Variants in USP7 observed in about 807,000 individuals in gnomAD.
The protein encoded by USP7 is ubiquitin specific peptidase 7, also known as ubiquitin C-terminal hydrolase 7.
Under a neutral mutation model 162.9 loss-of-function variants are expected in USP7, and 9 were observed. That is an observed-to-expected ratio of 0.06 (90% CI 0.03 to 0.10). USP7 has a LOEUF of 0.10. Among genes scored for constraint, USP7 ranks in the 10% least tolerant of loss-of-function variants. USP7 has a pLI of 1.00. For synonymous variants in USP7, 562 were observed against 475.9 expected, an observed-to-expected ratio of 1.18 and a Z score of -2.35; for missense variants, 715 against 1,373.7, an observed-to-expected ratio of 0.52 and a Z score of 7.58.
intron 11 of USP7, 63 bp from the exon 12 acceptor site, chr16:8,908,513 G>T: frequency 7.1e-7 from 1 of 1,413,264 alleles, no homozygotes; most frequent in Non-Finnish European, 9.7e-7. Flanking sequence ...AGCAATGAAA[G>T]CAACAGCGGT....
chr16:8,898,601 T>C lies in USP7; in HGVS notation c.2570A>G (p.Tyr857Cys). Residue 857 changes from tyrosine to cysteine, a missense_variant, in exon 24 of 31, where the codon TAT becomes TGT. Physicochemically the swap from Tyr to Cys is radical, Grantham distance 194. Coordinates refer to ENST00000344836, the MANE Select transcript of USP7 (RefSeq NM_003470.3). ...DGPGNPLRHN[Y>C]EGTLRDLLQF... ...TAGAAGATCTCTTAAAGTACCTTCA[T>C]AATTATGTCTAAGAGGATTACCTGG... 6.2e-7 allele frequency: 1 copy of C among 1,610,002 alleles called. No individual in the cohort carries two copies. The highest frequency in any genetic ancestry group is 1.3e-5 in the African/African-American group (1 of 74,774).
At chr16:8,952,650 A>G (rs1899608090) in intron 1 of USP7, among the ~76,000 whole-genome samples, 5 of 152,176 alleles carry the variant, frequency 3.3e-5, no homozygotes, top group Admixed American at 3.3e-4. Context: ...CCTGAATTCA[A>G]TAAGGTCTGC....
At chr16:8,930,438 T>A in intron 1 of USP7, 41 bp from the exon 2 acceptor site, 4 of 1,493,660 alleles carry the variant, frequency 2.7e-6, no homozygotes, top group Non-Finnish European at 3.7e-6. Context: ...TTTACATTCA[T>A]GGCTTTAATA....
intron 10 of USP7, among the ~76,000 whole-genome samples, chr16:8,914,745 C>T (rs867258866): frequency 6.6e-6 from 1 of 151,602 alleles, no homozygotes; most frequent in Non-Finnish European, 1.5e-5. Context: ...AAGTAAGACC[C>T]CATCTCTTAA....
chr16:8,901,288 TA>T (rs2061769641), intron 18 of USP7, 54 bp from the exon 19 acceptor site: 8 of 1,219,302 alleles, frequency 6.6e-6, no homozygotes, highest in Non-Finnish European at 8.1e-6. Flanking sequence ...GCACAATGCT[TA>T]AAAAACAAAA....
chr16:8,920,809 T>G (rs562794563), intron 4 of USP7, among the ~76,000 whole-genome samples: 11 of 152,344 alleles, frequency 7.2e-5, no homozygotes, highest in African/African-American at 2.4e-4. Context: ...TTACCACCTC[T>G]GCAAAAAGCA....
intron 2 of USP7, among the ~76,000 whole-genome samples, chr16:8,926,937 ACGAAGTTC>A (rs1355068911): frequency 6.6e-6 from 1 of 152,182 alleles, no homozygotes; most frequent in African/African-American, 2.4e-5. Context: ...TACCTACAGC[ACGAAGTTC>A]CCACTGTGCA....
Position 8,912,280 on chromosome 16 carries a change from C to T in USP7, c.1079-1453G>A, listed in dbSNP as rs140671941. 4.8e-3 allele frequency among the ~76,000 whole-genome samples: 728 copies of T among 151,998 alleles called. 10 individuals carry two copies. The highest frequency in any genetic ancestry group is 0.017 in the African/African-American group (698 of 41,462). ...CACCCTGGCCAACATGGTGAAACCCCGTCTCTACTAAAAATGCAAAAATTA... is the reference window on the plus strand; with the variant it reads ...CACCCTGGCCAACATGGTGAAACCCTGTCTCTACTAAAAATGCAAAAATTA... On this transcript the variant is annotated intron_variant, in intron 10 of 30. Transcript: ENST00000344836.
In USP7 at chr16:8,894,533, G is replaced by GC. The variant is rs543861049; in HGVS notation, c.3202+16_3202+17insG. 1,419 of 1,608,854 alleles carry GC rather than the reference G, an allele frequency of 8.8e-4. 4 individuals are homozygous for GC. The highest frequency in any genetic ancestry group is 1.8e-3 in the Middle Eastern group (8 of 4,500). ...TCTGAAACCCACACCAGCCCCCGGG[G>GC]GGGGGAGAACCCTTACCGGGCTGTG... On this transcript the variant is annotated intron_variant, in intron 30 of 30. Coordinates refer to ENST00000344836, the MANE Select transcript of USP7 (RefSeq NM_003470.3).
intron 1 of USP7, among the ~76,000 whole-genome samples, chr16:8,956,618 G>A (rs1269533091): frequency 6.6e-6 from 1 of 152,126 alleles, no homozygotes; most frequent in Admixed American, 6.5e-5. Context: ...ATAAAAATTA[G>A]CCGGGCATGG....
At chr16:8,942,309 C>T (rs1461682247) in intron 1 of USP7, among the ~76,000 whole-genome samples, 1 of 152,212 alleles carries the variant, frequency 6.6e-6, no homozygotes, top group African/African-American at 2.4e-5. Flanking sequence ...GGACCTGAGA[C>T]AGCCCCAGCA....
rs1014628338 is a variant in USP7 at position 8,921,238 on chromosome 16, T to C, written c.441A>G (p.Glu147=). The C allele has an allele frequency of 6.2e-7, 1 of 1,614,174 alleles. No individual in the cohort carries two copies. Among genetic ancestry groups the C allele is most frequent in the Non-Finnish European group, 8.5e-7 (1 of 1,180,036 alleles). The change falls in exon 4 of 31, where the codon GAA becomes GAG. Residue 147 remains glutamate, a synonymous_variant. Coordinates refer to ENST00000344836, the MANE Select transcript of USP7 (RefSeq NM_003470.3). ...VLKIINYRDD[E]KSFSRRISHL... is the part of the protein sequence containing the mutation. ...GACTAATACGACGACTGAACGACTTTTCATCATCTCTGTAATTTATTATCT... is the reference window on the plus strand; with the variant it reads ...GACTAATACGACGACTGAACGACTTCTCATCATCTCTGTAATTTATTATCT...
chr16:8,959,674 T>C (rs1262600394), intron 1 of USP7, among the ~76,000 whole-genome samples: 1 of 152,240 alleles, frequency 6.6e-6, no homozygotes, highest in Non-Finnish European at 1.5e-5. Flanking sequence ...TACAGTGCTA[T>C]TTGAAAGAAT....
intron 1 of USP7, among the ~76,000 whole-genome samples, chr16:8,933,499 T>G (rs963267530): frequency 6.6e-6 from 1 of 152,156 alleles, no homozygotes; most frequent in Admixed American, 6.6e-5. Flanking sequence ...TTTACAAAAT[T>G]CAAAAGATGT....
chr16:8,940,406 T>C (rs1465486859), intron 1 of USP7, among the ~76,000 whole-genome samples: 1 of 152,174 alleles, frequency 6.6e-6, no homozygotes, highest in Non-Finnish European at 1.5e-5. Context: ...ACTCTTCGGC[T>C]TCTTGAACAC....
chr16:8,910,317 A>T (rs889034423), intron 11 of USP7, among the ~76,000 whole-genome samples: 1 of 152,186 alleles, frequency 6.6e-6, no homozygotes, highest in Admixed American at 6.5e-5. Flanking sequence ...CCTAGAGAAC[A>T]CACTACTCAT....
chr16:8,919,186 G>A, intron 5 of USP7, 47 bp from the exon 6 acceptor site: 1 of 1,584,218 alleles, frequency 6.3e-7, no homozygotes, highest in Non-Finnish European at 8.7e-7. Context: ...ATACCCCATT[G>A]CTCCTGCAGT....
chr16:8,939,522 A>G (rs1221849031), intron 1 of USP7, among the ~76,000 whole-genome samples: 1 of 152,204 alleles, frequency 6.6e-6, no homozygotes, highest in Non-Finnish European at 1.5e-5. Flanking sequence ...ATTTATTTCT[A>G]CTTTTGAGTT....
chr16:8,895,566 T>C, intron 27 of USP7, 76 bp downstream of exon 27: 1 of 1,217,696 alleles, frequency 8.2e-7, no homozygotes, highest in Non-Finnish European at 1.2e-6. Flanking sequence ...CTTGTACAAC[T>C]TGCTGTGATA....
Sources: gnomAD v4.1 joint callset for allele counts (sites outside exome capture counted in the v4.1 genomes callset) on GRCh38, gnomAD v4.1.1 for gene constraint, MANE v1.5 for transcripts, NCBI Gene and HGNC (gene_info 2026-07-23, HGNC 2026-07-21) for gene names.